The following KLHL32 variants were observed in gnomAD, a reference collection of about 807,000 sequenced individuals.
KLHL32 encodes kelch-like protein 32.
KLHL32 carries 35 observed loss-of-function variants against 64.8 expected under a neutral mutation model. That is an observed-to-expected ratio of 0.54 (90% CI 0.41 to 0.72). The LOEUF is 0.72. Among genes scored for constraint, KLHL32 ranks in the 30% least tolerant of loss-of-function variants. The pLI is 0.00. For synonymous variants in KLHL32, 259 were observed against 281.0 expected (o/e 0.92, Z 0.78); for missense variants, 589 against 768.5 (o/e 0.77, Z 2.76).
At chr6:97,128,975 G>A (rs997426256) in intron 8 of KLHL32, among the ~76,000 whole-genome samples, 2 of 152,196 alleles carry the variant, frequency 1.3e-5, no homozygotes, top group African/African-American at 4.8e-5. Flanking sequence ...TCAGAGTTTT[G>A]AGTTAAATAC....
At chr6:97,020,074 C>G (rs113714415) in intron 3 of KLHL32, among the ~76,000 whole-genome samples, 2 of 151,648 alleles carry the variant, frequency 1.3e-5, no homozygotes, top group African/African-American at 4.8e-5. Context: ...TGCCAAGTAA[C>G]TGGGATTATA....
At chr6:97,101,555 C>T (rs1166109276) in intron 6 of KLHL32, among the ~76,000 whole-genome samples, 1 of 152,170 alleles carries the variant, frequency 6.6e-6, no homozygotes, top group Non-Finnish European at 1.5e-5. Flanking sequence ...ATGAAAGTGA[C>T]TTATATGCTG....
intron 7 of KLHL32, among the ~76,000 whole-genome samples, chr6:97,117,021 G>T (rs1797869199): frequency 6.6e-6 from 1 of 152,114 alleles, no homozygotes; most frequent in Non-Finnish European, 1.5e-5. Context: ...TCTTTAATTG[G>T]AAAGAAGAGG....
At chr6:97,102,463 A>G (rs938765885) in intron 6 of KLHL32, among the ~76,000 whole-genome samples, 1 of 151,868 alleles carries the variant, frequency 6.6e-6, no homozygotes, top group Non-Finnish European at 1.5e-5. Flanking sequence ...TACCTCAGTG[A>G]CCACATGCAA....
chr6:96,912,950 T>A, the KLHL32 span, among the ~76,000 whole-genome samples: 2,996 of 152,326 alleles, frequency 0.02, 101 homozygotes, highest in African/African-American at 0.069. Context: ...TCAGTTTTAC[T>A]GTGGTATTCA....
At chr6:97,048,741 T>A (rs947150306) in intron 4 of KLHL32, among the ~76,000 whole-genome samples, 42 of 152,222 alleles carry the variant, frequency 2.8e-4, no homozygotes, top group Non-Finnish European at 2.5e-4. Context: ...GAATCTTAAT[T>A]GGATCTGCTT....
At chr6:96,943,767 A>G (rs1020890424) in intron 1 of KLHL32, among the ~76,000 whole-genome samples, 4 of 152,124 alleles carry the variant, frequency 2.6e-5, no homozygotes, top group East Asian at 3.9e-4. Flanking sequence ...TTCTTTTGCC[A>G]TATGCACAGA....
At chr6:96,938,621 C>T (rs1465086357) in intron 1 of KLHL32, among the ~76,000 whole-genome samples, 2 of 152,022 alleles carry the variant, frequency 1.3e-5, no homozygotes, top group Non-Finnish European at 1.5e-5. Context: ...AGCTTCCTTT[C>T]TCTCTTCCTG....
intron 3 of KLHL32, among the ~76,000 whole-genome samples, chr6:97,038,672 A>G (rs1784648915): frequency 6.6e-6 from 1 of 152,066 alleles, no homozygotes; most frequent in Admixed American, 6.6e-5. Context: ...TATATTCAAA[A>G]GAAGGGAAAT....
At chr6:97,001,942 G>C (rs890505402) in intron 3 of KLHL32, among the ~76,000 whole-genome samples, 5 of 152,176 alleles carry the variant, frequency 3.3e-5, no homozygotes, top group African/African-American at 1.2e-4. Context: ...CACTGATTGA[G>C]TGTGAGTTCT....
intron 3 of KLHL32, among the ~76,000 whole-genome samples, chr6:96,985,461 G>T (rs1394804991): frequency 2.6e-5 from 4 of 152,202 alleles, no homozygotes; most frequent in Admixed American, 2.6e-4. Context: ...ATATCCTGCA[G>T]AGTGTTTTCC....
intron 4 of KLHL32, among the ~76,000 whole-genome samples, chr6:97,060,055 G>GT (rs1254614005): frequency 6.6e-6 from 1 of 152,184 alleles, no homozygotes; most frequent in African/African-American, 2.4e-5. Context: ...TGGTATGTGT[G>GT]TTTACTAAAG....
intron 1 of KLHL32, among the ~76,000 whole-genome samples, chr6:96,947,416 A>G (rs1485435991): frequency 1.3e-5 from 2 of 152,236 alleles, no homozygotes; most frequent in East Asian, 3.8e-4. Context: ...ATAAGACACA[A>G]CCACATGTTA....
chr6:97,091,216 A>G lies in KLHL32; in HGVS notation c.627+5875A>G, dbSNP rs74317452. Among the ~76,000 whole-genome samples the G allele has an allele frequency of 9.4e-3, 1,427 of 152,346 alleles. 12 individuals are homozygous for G. The highest frequency in any genetic ancestry group is 0.014 in the Non-Finnish European group (931 of 68,024). ...AGAGCGAGACCCTGTCTGGAAGAAA[A>G]AAAACAAAACAAAACGAAACAGAAA... On this transcript the variant is annotated intron_variant, in intron 6 of 10. Coordinates refer to ENST00000369261, the MANE Select transcript of KLHL32 (RefSeq NM_052904.4).
intron 5 of KLHL32, among the ~76,000 whole-genome samples, chr6:97,082,090 G>A (rs1201944607): frequency 6.6e-6 from 1 of 152,232 alleles, no homozygotes; most frequent in African/African-American, 2.4e-5. Context: ...AGGATTGAGA[G>A]TTTGCTGCTG....
At chr6:97,098,996 A>G (rs1182005789) in intron 6 of KLHL32, among the ~76,000 whole-genome samples, 2 of 152,216 alleles carry the variant, frequency 1.3e-5, no homozygotes, top group African/African-American at 4.8e-5. Flanking sequence ...ATTTTATCTT[A>G]TAGGTTCGCT....
intron 1 of KLHL32, among the ~76,000 whole-genome samples, chr6:96,964,830 A>T (rs1293141476): frequency 2.6e-5 from 4 of 152,020 alleles, no homozygotes; most frequent in Non-Finnish European, 1.5e-5. Context: ...TTAATCCTTA[A>T]CTCATTTTAA....
At chr6:97,015,207 T>C (rs1322045672) in intron 3 of KLHL32, among the ~76,000 whole-genome samples, 1 of 152,214 alleles carries the variant, frequency 6.6e-6, no homozygotes, top group Admixed American at 6.5e-5. Context: ...TGGGTATTTA[T>C]TGCAGTGTGA....
intron 3 of KLHL32, among the ~76,000 whole-genome samples, chr6:97,007,761 C>T (rs1779847090): frequency 6.6e-6 from 1 of 152,176 alleles, no homozygotes; most frequent in Non-Finnish European, 1.5e-5. Context: ...CAAGGCTCAG[C>T]TCAGCACTCC....
Sources: gnomAD v4.1 joint callset for allele counts (sites outside exome capture counted in the v4.1 genomes callset) on GRCh38, gnomAD v4.1.1 for gene constraint, MANE v1.5 for transcripts, NCBI Gene and HGNC (gene_info 2026-07-23, HGNC 2026-07-21) for gene names.